ANTXR1: variants seen among roughly 807,000 people sequenced by gnomAD.
The protein encoded by ANTXR1 is anthrax toxin receptor 1.
ANTXR1 carries 19 observed loss-of-function variants against 78.1 expected under a neutral mutation model. The ratio of observed to expected loss-of-function variants is 0.24; its 90% CI spans 0.17 to 0.36. The LOEUF is 0.36. Among genes scored for constraint, ANTXR1 ranks in the 10% least tolerant of loss-of-function variants. The pLI, the probability that ANTXR1 is intolerant of heterozygous loss-of-function variation, is 1.00. For synonymous variants in ANTXR1, 273 were observed against 260.5 expected, an observed-to-expected ratio of 1.05 and a Z score of -0.46; for missense variants, 518 against 718.6, an observed-to-expected ratio of 0.72 and a Z score of 3.19.
chr2:69,217,860 T>G (rs1675217253), intron 17 of ANTXR1, among the ~76,000 whole-genome samples: 1 of 152,072 alleles, frequency 6.6e-6, no homozygotes, highest in Non-Finnish European at 1.5e-5. Context: ...GAGAAGAAAT[T>G]ATGAGAGAAT....
At chr2:69,107,145 A>C (rs1262201136) in intron 10 of ANTXR1, among the ~76,000 whole-genome samples, 1 of 151,658 alleles carries the variant, frequency 6.6e-6, no homozygotes, top group Non-Finnish European at 1.5e-5. Context: ...CCACATCCAG[A>C]TTTTTTTCAC....
At position 69,142,357 on chromosome 2, in the gene ANTXR1, A is replaced by G. The variant is rs541569720; in HGVS notation, c.952-9812A>G. Among the ~76,000 whole-genome samples, 229 of 152,368 alleles carry G rather than the reference A, an allele frequency of 1.5e-3. 1 individual carries two copies. Among genetic ancestry groups the G allele is most frequent in the Non-Finnish European group, 9.4e-4 (64 of 68,042 alleles). ...TGGCAATTTGTGTTTGAAACACTGT[A>G]CTATGTCTCACAGGTACAAATATGA... On this transcript the variant is annotated intron_variant, in intron 12 of 17. Coordinates refer to ENST00000303714, the MANE Select transcript of ANTXR1 (RefSeq NM_032208.3).
intron 12 of ANTXR1, among the ~76,000 whole-genome samples, chr2:69,138,898 A>G (rs1435660409): frequency 6.6e-6 from 1 of 152,220 alleles, no homozygotes; most frequent in Admixed American, 6.5e-5. Context: ...CATTGCCCAA[A>G]TTTATGGACT....
intron 1 of ANTXR1, among the ~76,000 whole-genome samples, chr2:69,018,106 A>C (rs1671076688): frequency 6.6e-6 from 1 of 152,140 alleles, no homozygotes. Context: ...TCTGGAAGGC[A>C]GGAGTAAACG....
At chr2:69,181,520 A>C (rs1674274250) in intron 14 of ANTXR1, among the ~76,000 whole-genome samples, 1 of 152,212 alleles carries the variant, frequency 6.6e-6, no homozygotes, top group Admixed American at 6.5e-5. Flanking sequence ...ATTCCCACAA[A>C]GGAGTAGAGC....
At chr2:69,072,307 G>T (rs557658638) in intron 5 of ANTXR1, among the ~76,000 whole-genome samples, 7 of 152,136 alleles carry the variant, frequency 4.6e-5, no homozygotes, top group African/African-American at 1.7e-4. Context: ...TATTACTACA[G>T]TGTCTTTCGT....
chr2:69,085,417 A>C (rs2104264175), intron 8 of ANTXR1, among the ~76,000 whole-genome samples: 1 of 152,292 alleles, frequency 6.6e-6, no homozygotes, highest in South Asian at 2.1e-4. Flanking sequence ...GTCCCCAAAG[A>C]TGGTGGTACT....
chr2:69,077,524 G>C (rs753050857), intron 8 of ANTXR1, 36 bp downstream of exon 8: 8 of 1,606,860 alleles, frequency 5.0e-6, no homozygotes, highest in Non-Finnish European at 6.8e-6. Context: ...TAGACATTCA[G>C]GCACCTTCCG....
At chr2:69,056,465 T>C (rs1326554297) in intron 3 of ANTXR1, among the ~76,000 whole-genome samples, 1 of 150,312 alleles carries the variant, frequency 6.7e-6, no homozygotes, top group South Asian at 2.1e-4. Flanking sequence ...AACAAAAGTA[T>C]AGAAAAAAAA....
intron 16 of ANTXR1, among the ~76,000 whole-genome samples, chr2:69,186,978 C>T (rs940997053): frequency 6.6e-6 from 1 of 152,204 alleles, no homozygotes; most frequent in Non-Finnish European, 1.5e-5. Context: ...AGAACAACAG[C>T]TCTACCTCAC....
At chr2:69,039,526 T>C (rs1669550086) in intron 1 of ANTXR1, among the ~76,000 whole-genome samples, 1 of 152,046 alleles carries the variant, frequency 6.6e-6, no homozygotes. Context: ...CACCAATTAA[T>C]TAATTATTAT....
intron 3 of ANTXR1, among the ~76,000 whole-genome samples, chr2:69,054,395 C>A (rs572796849): frequency 6.3e-4 from 96 of 152,272 alleles, no homozygotes; most frequent in African/African-American, 2.1e-3. Context: ...GAAAACAGTT[C>A]CCCGAGGCAG....
At chr2:69,138,114 A>T (rs1672968256) in intron 12 of ANTXR1, among the ~76,000 whole-genome samples, 1 of 151,228 alleles carries the variant, frequency 6.6e-6, no homozygotes. Flanking sequence ...AAAAAGAAAG[A>T]AAAAAGAAAA....
rs186456661 is a variant in ANTXR1 at position 69,035,435 on chromosome 2, G to A, written c.153-4609G>A. Among the ~76,000 whole-genome samples the A allele has an allele frequency of 4.0e-3, 615 of 152,212 alleles. 1 individual carries two copies. The highest frequency in any genetic ancestry group is 5.9e-3 in the Non-Finnish European group (404 of 68,008). On this transcript the variant is annotated intron_variant, in intron 1 of 17. Transcript: ENST00000303714. ...CTGCATGTGTGGGTTAAGAAGTTTCGGAAATAAAGAGTAGAAGGAGTCCAA... is the reference window on the plus strand; with the variant it reads ...CTGCATGTGTGGGTTAAGAAGTTTCAGAAATAAAGAGTAGAAGGAGTCCAA...
At chr2:69,232,130 G>A (rs895989717) in intron 17 of ANTXR1, among the ~76,000 whole-genome samples, 5 of 152,108 alleles carry the variant, frequency 3.3e-5, no homozygotes, top group African/African-American at 7.2e-5. Context: ...TGTGTAAAAC[G>A]TTGGAGAAAA....
At chr2:69,209,670 G>T (rs1674991431) in intron 17 of ANTXR1, among the ~76,000 whole-genome samples, 2 of 152,368 alleles carry the variant, frequency 1.3e-5, no homozygotes, top group South Asian at 4.1e-4. Context: ...ACAAGAGGGA[G>T]CTGCTACGTT....
chr2:69,118,000 A>G (rs756885790), intron 10 of ANTXR1, among the ~76,000 whole-genome samples: 3 of 152,210 alleles, frequency 2.0e-5, no homozygotes, highest in Non-Finnish European at 2.9e-5. Context: ...AATCCTTATC[A>G]AGCTTGTCAG....
rs1674770008 is a variant in ANTXR1, at chr2:69,201,435, C to T, written c.1434+8020C>T. On this transcript the variant is annotated intron_variant, in intron 17 of 17. Coordinates refer to ENST00000303714, the MANE Select transcript of ANTXR1 (RefSeq NM_032208.3). ...TGTGGTGAAGAGGAACCTGAGTTGCCGGCCGTGGGAGCCTGCTCTGCCAGC... is the reference window on the plus strand; with the variant it reads ...TGTGGTGAAGAGGAACCTGAGTTGCTGGCCGTGGGAGCCTGCTCTGCCAGC... Among the ~76,000 whole-genome samples the T allele has an allele frequency of 3.9e-5, 6 of 152,214 alleles. No individual in the cohort carries two copies. In the South Asian group the frequency reaches 1.0e-3, roughly 26 times the overall value.
At chr2:69,144,633 T>A (rs965176091) in intron 12 of ANTXR1, among the ~76,000 whole-genome samples, 2 of 152,262 alleles carry the variant, frequency 1.3e-5, no homozygotes, top group East Asian at 3.8e-4. Context: ...GCAATTTTCC[T>A]GTCCTATTTC....
Sources: gnomAD v4.1 joint callset for allele counts (sites outside exome capture counted in the v4.1 genomes callset) on GRCh38, gnomAD v4.1.1 for gene constraint, MANE v1.5 for transcripts, NCBI Gene and HGNC (gene_info 2026-07-23, HGNC 2026-07-21) for gene names.